The following FNDC3B variants were observed in gnomAD, a reference collection of about 807,000 sequenced individuals.
FNDC3B encodes fibronectin type III domain containing 3B.
FNDC3B carries 12 observed loss-of-function variants against 151.5 expected under a neutral mutation model. The observed-to-expected ratio is 0.08, with a 90% CI of 0.05 to 0.13. The LOEUF (loss-of-function observed/expected upper bound fraction) is 0.13. FNDC3B is among the 10% of genes least tolerant of loss of function. The probability of loss-of-function intolerance (pLI) is 1.00; values close to 1 mark genes in which losing one functional copy is unlikely to be tolerated. For synonymous variants in FNDC3B, 528 were observed against 549.0 expected (o/e 0.96, Z 0.54); for missense variants, 1,214 against 1,505.3 (o/e 0.81, Z 3.20).
rs1156503262 is a variant in FNDC3B at position 172,133,043 on chromosome 3, G to A, written c.112-428G>A. Among the ~76,000 whole-genome samples the A allele has an allele frequency of 4.6e-5, 7 of 152,034 alleles. No individual in the cohort carries two copies. The East Asian group carries it at 9.6e-4, about 21-fold the overall frequency. Reference sequence around the variant, plus strand: ...AAATATTTTTTGTTGTCACACAATAGAATCATATAACCAGATCAGTAATAG... The same window carrying A: ...AAATATTTTTTGTTGTCACACAATAAAATCATATAACCAGATCAGTAATAG... On this transcript the variant is annotated intron_variant, in intron 2 of 25. Transcript: ENST00000415807.
chr3:172,294,111 T>C (rs1020162993), intron 7 of FNDC3B, among the ~76,000 whole-genome samples: 1 of 152,252 alleles, frequency 6.6e-6, no homozygotes, highest in Non-Finnish European at 1.5e-5. Context: ...TTATTTTAAA[T>C]AATTAGATCA....
At chr3:172,171,333 G>A (rs1231264945) in intron 3 of FNDC3B, among the ~76,000 whole-genome samples, 1 of 152,158 alleles carries the variant, frequency 6.6e-6, no homozygotes, top group Non-Finnish European at 1.5e-5. Context: ...TTACAGTCTA[G>A]TGTGCACACT....
intron 3 of FNDC3B, among the ~76,000 whole-genome samples, chr3:172,162,740 G>A (rs2075638399): frequency 6.6e-6 from 1 of 151,520 alleles, no homozygotes; most frequent in Non-Finnish European, 1.5e-5. Flanking sequence ...TCCTGCCAGG[G>A]ATCGGCATTC....
intron 3 of FNDC3B, among the ~76,000 whole-genome samples, chr3:172,194,985 A>G (rs1288105861): frequency 3.3e-5 from 5 of 152,218 alleles, no homozygotes; most frequent in Non-Finnish European, 5.9e-5. Context: ...ACCTTACAGA[A>G]TTAGTTTCCA....
chr3:172,349,239 C>T (rs1158025858), intron 21 of FNDC3B, among the ~76,000 whole-genome samples: 7 of 152,214 alleles, frequency 4.6e-5, no homozygotes, highest in Non-Finnish European at 7.3e-5. Flanking sequence ...GTGACTGCAC[C>T]ACTGTAGGCC....
intron 6 of FNDC3B, among the ~76,000 whole-genome samples, chr3:172,284,155 G>T (rs1163879276): frequency 6.6e-6 from 1 of 152,184 alleles, no homozygotes; most frequent in Non-Finnish European, 1.5e-5. Context: ...GGCCTGTGCT[G>T]GGTGCTGCGG....
chr3:172,256,987 G>C (rs1256734351), intron 6 of FNDC3B, among the ~76,000 whole-genome samples: 1 of 151,874 alleles, frequency 6.6e-6, no homozygotes, highest in African/African-American at 2.4e-5. Flanking sequence ...CTGGAGTGCG[G>C]TGGCGCAATT....
At chr3:172,278,827 T>C (rs1054536111) in intron 6 of FNDC3B, among the ~76,000 whole-genome samples, 2 of 152,016 alleles carry the variant, frequency 1.3e-5, no homozygotes, top group Non-Finnish European at 2.9e-5. Flanking sequence ...CTCAGGGGGC[T>C]GAGGCAGAAA....
At position 172,082,362 on chromosome 3, in the gene FNDC3B, G is replaced by A. The variant is rs180804754; in HGVS notation, c.-28-30090G>A. On this transcript the variant is annotated intron_variant, in intron 1 of 25. Transcript: ENST00000415807. The stretch of plus-strand genomic sequence containing the variant: ...TTGTTATTTGCAAGGCTGATGTAAC[G>A]ACACAGCTGCTGGATGCTTGGCATT... Among the ~76,000 whole-genome samples the A allele has an allele frequency of 1.7e-3, 261 of 152,310 alleles. 1 individual carries two copies. Among genetic ancestry groups the A allele is most frequent in the African/African-American group, 5.9e-3 (247 of 41,566 alleles).
intron 3 of FNDC3B, among the ~76,000 whole-genome samples, chr3:172,177,157 A>G (rs62283844): frequency 8.4e-5 from 12 of 142,510 alleles, no homozygotes; most frequent in Non-Finnish European, 1.5e-4. Context: ...ACCAGATTCT[A>G]CAAGGAAATA....
intron 7 of FNDC3B, among the ~76,000 whole-genome samples, chr3:172,287,133 A>G (rs556737784): frequency 1.3e-4 from 20 of 152,304 alleles, no homozygotes; most frequent in African/African-American, 4.6e-4. Flanking sequence ...ATGCCCATCA[A>G]GTGGGAGGCT....
chr3:172,366,700 T>C (rs1448495041), intron 23 of FNDC3B, among the ~76,000 whole-genome samples: 1 of 152,140 alleles, frequency 6.6e-6, no homozygotes, highest in Non-Finnish European at 1.5e-5. Flanking sequence ...GCACAAGGTA[T>C]AGAGGGAAAA....
Position 172,341,177 on chromosome 3 carries a change from A to G in FNDC3B, c.1917A>G (p.Pro639=), listed in dbSNP as rs754670281. The change falls in exon 17 of 26, where the codon CCA becomes CCG. Residue 639 remains proline, a synonymous_variant. Transcript: ENST00000415807. ...AATACACCTTCACCCACTTGAAACC[A>G]GGCACTTTGTACAAACTCCGAGCAT... is the stretch of plus-strand genomic sequence containing the variant. ...ATEYTFTHLK[P]GTLYKLRACC... is the part of the protein sequence containing the mutation. 5.0e-6 allele frequency: 8 copies of G among 1,614,102 alleles called. No homozygotes were observed. The highest frequency in any genetic ancestry group is 6.8e-6 in the Non-Finnish European group (8 of 1,180,028).
At chr3:172,119,038 T>C (rs921628520) in intron 2 of FNDC3B, among the ~76,000 whole-genome samples, 5 of 151,440 alleles carry the variant, frequency 3.3e-5, no homozygotes, top group South Asian at 2.1e-4. Context: ...GGCGTGGTGG[T>C]GGGCGCCTGT....
intron 2 of FNDC3B, among the ~76,000 whole-genome samples, chr3:172,116,772 GC>G (rs1720277163): frequency 6.6e-6 from 1 of 152,084 alleles, no homozygotes; most frequent in African/African-American, 2.4e-5. Context: ...CACCATGTTG[GC>G]CAGGATGGTC....
rs111271872 is a variant in FNDC3B at position 172,285,447 on chromosome 3, C to T, written c.791-479C>T. ...TTTCTTAGACACCCCAGTGGCTGCC[C>T]GTCGAACGTAAACATGTGAACTTAA... is the stretch of plus-strand genomic sequence containing the variant. On this transcript the variant is annotated intron_variant, in intron 6 of 25. Coordinates refer to ENST00000415807, the MANE Select transcript of FNDC3B (RefSeq NM_022763.4). Among the ~76,000 whole-genome samples, 457 of 152,248 alleles carry T rather than the reference C, an allele frequency of 3.0e-3. 5 individuals carry two copies. The highest frequency in any genetic ancestry group is 0.01 in the African/African-American group (431 of 41,538).
intron 6 of FNDC3B, among the ~76,000 whole-genome samples, chr3:172,256,173 G>A (rs1728337498): frequency 6.6e-6 from 1 of 152,114 alleles, no homozygotes; most frequent in African/African-American, 2.4e-5. Context: ...GCGGTGTTCT[G>A]CCCCATTTTG....
intron 1 of FNDC3B, among the ~76,000 whole-genome samples, chr3:172,108,124 C>A (rs780079959): frequency 6.6e-6 from 1 of 151,514 alleles, no homozygotes; most frequent in Admixed American, 6.6e-5. Context: ...GCTGAGATCA[C>A]GCCACTGCAC....
At chr3:172,243,826 A>G (rs1462975276) in intron 4 of FNDC3B, among the ~76,000 whole-genome samples, 1 of 152,194 alleles carries the variant, frequency 6.6e-6, no homozygotes, top group Non-Finnish European at 1.5e-5. Context: ...ATACAGTCAC[A>G]TTCTGAAGGT....
Sources: gnomAD v4.1 joint callset for allele counts (sites outside exome capture counted in the v4.1 genomes callset) on GRCh38, gnomAD v4.1.1 for gene constraint, MANE v1.5 for transcripts, NCBI Gene and HGNC (gene_info 2026-07-23, HGNC 2026-07-21) for gene names.